The following ERC2 variants were observed in gnomAD, a reference collection of about 807,000 sequenced individuals.
ERC2 encodes the protein ERC protein 2.
A neutral mutation model predicts 114.8 loss-of-function variants in ERC2; 42 were observed. That is an observed-to-expected ratio of 0.37 (90% CI 0.29 to 0.47). The LOEUF (loss-of-function observed/expected upper bound fraction) is 0.47. Ranked by LOEUF, ERC2 falls within the 20% of genes least tolerant of loss-of-function variation. ERC2 has a pLI of 0.99. For synonymous variants in ERC2, 454 were observed against 425.5 expected (o/e 1.07, Z -0.82); for missense variants, 939 against 1,150.7 (o/e 0.82, Z 2.66).
intron 15 of ERC2, among the ~76,000 whole-genome samples, chr3:55,730,382 A>T (rs2065181709): frequency 6.6e-6 from 1 of 152,222 alleles, no homozygotes; most frequent in Non-Finnish European, 1.5e-5. Context: ...AAGTTGGTTG[A>T]TTATAAGGAA....
chr3:55,605,237 T>C (rs1419228187), intron 17 of ERC2, among the ~76,000 whole-genome samples: 1 of 152,086 alleles, frequency 6.6e-6, no homozygotes, highest in Non-Finnish European at 1.5e-5. Context: ...AGACTCAGCC[T>C]CCTAATTAGC....
intron 7 of ERC2, among the ~76,000 whole-genome samples, chr3:56,028,292 C>T (rs1472830473): frequency 6.6e-6 from 1 of 151,930 alleles, no homozygotes; most frequent in African/African-American, 2.4e-5. Context: ...GGGGTTATGC[C>T]TTTTCATAAG....
chr3:55,824,376 C>G (rs1266586175), intron 14 of ERC2, among the ~76,000 whole-genome samples: 8 of 152,174 alleles, frequency 5.3e-5, no homozygotes, highest in Non-Finnish European at 1.0e-4. Flanking sequence ...CATGTCAGAA[C>G]AGAGACTCCT....
chr3:56,392,681 T>G (rs910459693), intron 2 of ERC2, among the ~76,000 whole-genome samples: 2 of 152,188 alleles, frequency 1.3e-5, no homozygotes, highest in Non-Finnish European at 2.9e-5. Context: ...TAAAAAGTCC[T>G]TGAATATTTA....
intron 3 of ERC2, among the ~76,000 whole-genome samples, chr3:56,277,053 C>T (rs936529215): frequency 1.3e-5 from 2 of 152,306 alleles, no homozygotes; most frequent in Non-Finnish European, 2.9e-5. Flanking sequence ...AAAGGTCCCT[C>T]CCATGAGAGT....
At chr3:55,939,937 T>C in intron 13 of ERC2, among the ~76,000 whole-genome samples, 1 of 152,214 alleles carries the variant, frequency 6.6e-6, no homozygotes, top group Non-Finnish European at 1.5e-5. Context: ...CCGATTGCTC[T>C]AAAGAAAACA....
intron 17 of ERC2, among the ~76,000 whole-genome samples, chr3:55,635,929 A>C (rs544744352): frequency 6.6e-6 from 1 of 150,570 alleles, no homozygotes; most frequent in Non-Finnish European, 1.5e-5. Context: ...CCTAGGCTGG[A>C]GTACAGTGGT....
intron 14 of ERC2, among the ~76,000 whole-genome samples, chr3:55,823,573 C>A (rs552600917): frequency 1.3e-5 from 2 of 152,200 alleles, no homozygotes; most frequent in African/African-American, 2.4e-5. Context: ...TTGAGAGGGA[C>A]GGAGAAGGAA....
At chr3:55,883,889 AAACAACAAC>A (rs57990581) in intron 14 of ERC2, among the ~76,000 whole-genome samples, 412 of 132,026 alleles carry the variant, frequency 3.1e-3, no homozygotes, top group Non-Finnish European at 4.5e-3. Context: ...CTCCGTCTCA[AAACAACAAC>A]AACAACAACA....
chr3:55,676,711 A>G (rs971258599), intron 17 of ERC2, among the ~76,000 whole-genome samples: 2 of 151,914 alleles, frequency 1.3e-5, no homozygotes, highest in Non-Finnish European at 1.5e-5. Flanking sequence ...CCCTTTACAG[A>G]TCATTAATAA....
chr3:55,516,937 TAGA>T (rs1446355182), intron 17 of ERC2, among the ~76,000 whole-genome samples: 3 of 152,134 alleles, frequency 2.0e-5, no homozygotes, highest in Non-Finnish European at 4.4e-5. Flanking sequence ...AACGAAAGCT[TAGA>T]AGAACTGGAT....
At chr3:56,167,476 TA>T (rs901391573) in intron 4 of ERC2, among the ~76,000 whole-genome samples, 10 of 151,468 alleles carry the variant, frequency 6.6e-5, no homozygotes, top group South Asian at 2.1e-4. Flanking sequence ...TCTCATCTTC[TA>T]AAAAAAAATC....
chr3:56,242,247 A>G (rs1279036010), intron 3 of ERC2, among the ~76,000 whole-genome samples: 2 of 152,174 alleles, frequency 1.3e-5, no homozygotes, highest in Admixed American at 1.3e-4. Context: ...GTTCTCATTT[A>G]TAAGTGGGAG....
chr3:56,196,172 G>A (rs2048090154), intron 3 of ERC2, among the ~76,000 whole-genome samples: 1 of 152,142 alleles, frequency 6.6e-6, no homozygotes, highest in Non-Finnish European at 1.5e-5. Flanking sequence ...GCTACACCAG[G>A]GAAGATGGTG....
chr3:56,354,539 C>A (rs554269778), intron 2 of ERC2, among the ~76,000 whole-genome samples: 1 of 152,238 alleles, frequency 6.6e-6, no homozygotes, highest in East Asian at 1.9e-4. Flanking sequence ...GATTATCCAG[C>A]CCAAAGTATC....
intron 13 of ERC2, among the ~76,000 whole-genome samples, chr3:55,923,884 C>A (rs559331504): frequency 6.6e-6 from 1 of 152,252 alleles, no homozygotes; most frequent in Admixed American, 6.5e-5. Flanking sequence ...TCTTTCCCAA[C>A]ATAGGGTTAA....
rs149315977 is a variant in ERC2 at position 55,831,558 on chromosome 3, C to A, written c.2564+56831G>T. On this transcript the variant is annotated intron_variant, in intron 14 of 17. Coordinates refer to ENST00000288221, the MANE Select transcript of ERC2 (RefSeq NM_015576.3). ...GAAAACACATAATAAAATGGTAAAC[C>A]TAAATAAAATCATATCAAGGATTAT... Among the ~76,000 whole-genome samples the A allele has an allele frequency of 1.1e-3, 166 of 151,966 alleles. 1 individual carries two copies. The highest frequency in any genetic ancestry group is 3.6e-3 in the African/African-American group (151 of 41,470).
chr3:55,718,577 C>G (rs1207931919), intron 15 of ERC2, among the ~76,000 whole-genome samples: 1 of 152,114 alleles, frequency 6.6e-6, no homozygotes, highest in Non-Finnish European at 1.5e-5. Flanking sequence ...ATGTGGGTGA[C>G]CTGGTAAAGG....
intron 16 of ERC2, among the ~76,000 whole-genome samples, chr3:55,697,359 T>A (rs760286090): frequency 1.3e-5 from 2 of 152,226 alleles, no homozygotes; most frequent in Non-Finnish European, 2.9e-5. Flanking sequence ...CATCACCATC[T>A]TCCTAACAGT....
Sources: gnomAD v4.1 joint callset for allele counts (sites outside exome capture counted in the v4.1 genomes callset) on GRCh38, gnomAD v4.1.1 for gene constraint, MANE v1.5 for transcripts, NCBI Gene and HGNC (gene_info 2026-07-23, HGNC 2026-07-21) for gene names.